The following SYNPR variants were observed in gnomAD, a reference collection of about 807,000 sequenced individuals.
The protein encoded by SYNPR is synaptoporin.
Under a neutral mutation model 32.9 loss-of-function variants are expected in SYNPR, and 23 were observed. That is an observed-to-expected ratio of 0.70 (90% confidence interval 0.50 to 0.99). The LOEUF (loss-of-function observed/expected upper bound fraction) is 0.99, where lower values mean the gene tolerates loss of function less well. Among genes scored for constraint, SYNPR ranks in the 50% least tolerant of loss-of-function variants. The probability of loss-of-function intolerance (pLI) is 0.00; values close to 1 mark genes in which losing one functional copy is unlikely to be tolerated. For synonymous variants in SYNPR, 146 were observed against 135.9 expected, an observed-to-expected ratio of 1.07 and a Z score of -0.52; for missense variants, 318 against 349.3, an observed-to-expected ratio of 0.91 and a Z score of 0.71.
chr3:63,469,802 A>G (rs1411189062), intron 2 of SYNPR, among the ~76,000 whole-genome samples: 1 of 152,336 alleles, frequency 6.6e-6, no homozygotes, highest in East Asian at 1.9e-4. Flanking sequence ...ATTTTATTAA[A>G]TAAGCAGGTC....
chr3:63,236,839 G>C (rs953307716), intron 1 of SYNPR, among the ~76,000 whole-genome samples: 1 of 152,004 alleles, frequency 6.6e-6, no homozygotes, highest in Non-Finnish European at 1.5e-5. Context: ...TTTCCAATCT[G>C]TATGCCTTTC....
intron 2 of SYNPR, among the ~76,000 whole-genome samples, chr3:63,308,113 C>T (rs1033592009): frequency 1.3e-5 from 2 of 151,944 alleles, no homozygotes; most frequent in Non-Finnish European, 2.9e-5. Flanking sequence ...CCTAATTTTG[C>T]TTTGGCATTT....
At chr3:63,503,411 T>G (rs1421894654) in intron 3 of SYNPR, among the ~76,000 whole-genome samples, 1 of 152,164 alleles carries the variant, frequency 6.6e-6, no homozygotes, top group Non-Finnish European at 1.5e-5. Context: ...TTCTTCATTC[T>G]CTTTATAATC....
intron 5 of SYNPR, among the ~76,000 whole-genome samples, chr3:63,609,521 A>ATTAAGGAGTTT (rs1252755707): frequency 6.6e-6 from 1 of 152,168 alleles, no homozygotes. Flanking sequence ...AATGTTGCCG[A>ATTAAGGAGTTT]TTAAGGAGTT....
At chr3:63,501,494 C>CAAAAAAAAAAAAAAAAAAAAAAAA (rs377290258) in intron 3 of SYNPR, among the ~76,000 whole-genome samples, 10 of 96,688 alleles carry the variant, frequency 1.0e-4, no homozygotes, top group African/African-American at 2.0e-4. Flanking sequence ...CTCCCCCAAC[C>CAAAAAAAAAAAAAAAAAAAAAAAA]AAAAAAAAAA....
At chr3:63,219,337 C>T in the SYNPR span, among the ~76,000 whole-genome samples, 7 of 152,096 alleles carry the variant, frequency 4.6e-5, no homozygotes, top group African/African-American at 1.7e-4. Context: ...ACAGAGGAGG[C>T]GGAGGACACT....
chr3:63,294,326 G>C (rs1323479615), intron 2 of SYNPR, among the ~76,000 whole-genome samples: 2 of 152,106 alleles, frequency 1.3e-5, no homozygotes, highest in Admixed American at 6.5e-5. Context: ...GTTATCAGTT[G>C]GGTATTACCA....
intron 4 of SYNPR, among the ~76,000 whole-genome samples, chr3:63,605,939 A>G (rs1228313834): frequency 2.6e-5 from 4 of 152,184 alleles, no homozygotes; most frequent in Admixed American, 6.5e-5. Flanking sequence ...GATTTGTATT[A>G]TTGTTGTTGC....
At chr3:63,488,627 T>C (rs1286732313) in intron 3 of SYNPR, among the ~76,000 whole-genome samples, 1 of 152,190 alleles carries the variant, frequency 6.6e-6, no homozygotes, top group Non-Finnish European at 1.5e-5. Context: ...TTAGATAATA[T>C]GAGTTAGTCG....
At chr3:63,322,953 G>A (rs1560191990) in intron 2 of SYNPR, among the ~76,000 whole-genome samples, 1 of 152,102 alleles carries the variant, frequency 6.6e-6, no homozygotes, top group Non-Finnish European at 1.5e-5. Flanking sequence ...GGGACAGGGA[G>A]AGGCTTTTTA....
intron 2 of SYNPR, among the ~76,000 whole-genome samples, chr3:63,432,560 C>T (rs9843188): frequency 1.3e-5 from 2 of 152,220 alleles, no homozygotes; most frequent in African/African-American, 4.8e-5. Context: ...CTGGTGCATA[C>T]ATTTCAACAT....
At chr3:63,406,120 T>C (rs986759047) in intron 2 of SYNPR, among the ~76,000 whole-genome samples, 1 of 151,982 alleles carries the variant, frequency 6.6e-6, no homozygotes, top group Non-Finnish European at 1.5e-5. Flanking sequence ...CCAGAGCCTG[T>C]GTTCTCACTG....
At chr3:63,320,216 GC>G (rs2087096465) in intron 2 of SYNPR, among the ~76,000 whole-genome samples, 1 of 151,986 alleles carries the variant, frequency 6.6e-6, no homozygotes, top group Non-Finnish European at 1.5e-5. Flanking sequence ...ATCCCCAAGT[GC>G]TAGGATTATA....
chr3:63,376,023 T>A (rs189674718), intron 2 of SYNPR, among the ~76,000 whole-genome samples: 1 of 151,912 alleles, frequency 6.6e-6, no homozygotes, highest in East Asian at 1.9e-4. Context: ...AACCTAGGAG[T>A]CAGCCTTGGT....
At chr3:63,401,469 G>A (rs554715877) in intron 2 of SYNPR, among the ~76,000 whole-genome samples, 1 of 152,192 alleles carries the variant, frequency 6.6e-6, no homozygotes, top group African/African-American at 2.4e-5. Context: ...CAGGACATCA[G>A]TGGTCATGTC....
rs968133874 is a variant in SYNPR, at chr3:63,258,471, A to G, written n.154+5885A>G. Among the ~76,000 whole-genome samples the G allele has an allele frequency of 1.2e-4, 19 of 152,348 alleles. No homozygotes were observed. The South Asian group carries it at 1.5e-3, about 12-fold the overall frequency. ...CTGAACAACCTACTCCTGAATGACT[A>G]CTGGGTACATACCGAAATGAAGGCA... On this transcript the variant is annotated intron_variant and non_coding_transcript_variant, in intron 2 of 4. Coordinates refer to the SYNPR transcript ENST00000478456.
chr3:63,208,275 T>G, the SYNPR span, among the ~76,000 whole-genome samples: 1 of 152,172 alleles, frequency 6.6e-6, no homozygotes, highest in Non-Finnish European at 1.5e-5. Context: ...ATTTTATGAC[T>G]GGAGTGAGGT....
chr3:63,511,102 T>C (rs13086578), intron 3 of SYNPR, among the ~76,000 whole-genome samples: 57,515 of 151,778 alleles, frequency 0.38, 11,023 homozygotes, highest in Non-Finnish European at 0.43. Context: ...AATAAGGTTA[T>C]TGAGTGATAC....
chr3:63,490,181 G>T (rs770012528), intron 3 of SYNPR, among the ~76,000 whole-genome samples: 11 of 152,058 alleles, frequency 7.2e-5, no homozygotes, highest in Non-Finnish European at 1.5e-4. Context: ...TCCAGGGAGA[G>T]CAAAGGACAA....
Sources: allele counts gnomAD v4.1 joint callset (sites outside exome capture counted in the v4.1 genomes callset), GRCh38; gene constraint gnomAD v4.1.1; transcripts MANE v1.5; gene names NCBI Gene and HGNC (gene_info 2026-07-23, HGNC 2026-07-21).